The following SNTG1 variants were observed in gnomAD, a reference collection of about 807,000 sequenced individuals.
SNTG1 encodes the protein gamma-1-syntrophin.
In SNTG1, 39 loss-of-function variants were observed where a neutral mutation model predicts 74.7. The observed-to-expected ratio is 0.52, with a 90% CI of 0.40 to 0.68. The LOEUF is 0.68. Among genes scored for constraint, SNTG1 ranks in the 30% least tolerant of loss-of-function variants. The pLI is 0.00. For missense variants in SNTG1, 685 were observed against 609.5 expected, an observed-to-expected ratio of 1.12 and a Z score of -1.30; for synonymous variants, 254 against 217.1, an observed-to-expected ratio of 1.17 and a Z score of -1.49.
At chr8:50,171,001 TC>T (rs1345195580) in intron 1 of SNTG1, among the ~76,000 whole-genome samples, 1 of 152,074 alleles carries the variant, frequency 6.6e-6, no homozygotes, top group African/African-American at 2.4e-5. Flanking sequence ...CCAGTTAATC[TC>T]CTTCAAACTG....
rs186122954 is a variant in SNTG1, at chr8:50,508,158, A to G, written c.466+5278A>G. Among the ~76,000 whole-genome samples, 232 of 152,246 alleles carry G rather than the reference A, an allele frequency of 1.5e-3. 2 individuals are homozygous for G. Among genetic ancestry groups the G allele is most frequent in the Middle Eastern group, 0.01 (3 of 294 alleles). On this transcript the variant is annotated intron_variant, in intron 9 of 18. Coordinates refer to ENST00000642720, the MANE Select transcript of SNTG1 (RefSeq NM_018967.5). ...TGTTCAGTTCCTACCTATGAGTGAG[A>G]ACAAGCAGTGTTTGGTTTTTTGTCC...
At chr8:50,219,741 T>C (rs975138896) in intron 2 of SNTG1, among the ~76,000 whole-genome samples, 2 of 152,156 alleles carry the variant, frequency 1.3e-5, no homozygotes, top group Admixed American at 1.3e-4. Context: ...CCACCACTCA[T>C]CCTCCAACAT....
intron 12 of SNTG1, among the ~76,000 whole-genome samples, chr8:50,584,544 G>C (rs567299212): frequency 1.6e-5 from 2 of 125,472 alleles, no homozygotes; most frequent in African/African-American, 6.1e-5. Flanking sequence ...ACGGTGTTTC[G>C]CACTGTCTCC....
chr8:49,986,414 A>T (rs1159885776), intron 1 of SNTG1, among the ~76,000 whole-genome samples: 1 of 152,184 alleles, frequency 6.6e-6, no homozygotes, highest in Non-Finnish European at 1.5e-5. Context: ...AATTGTGGTT[A>T]AGCTGGAGGT....
At chr8:50,044,718 T>C (rs1818933761) in intron 1 of SNTG1, among the ~76,000 whole-genome samples, 1 of 152,216 alleles carries the variant, frequency 6.6e-6, no homozygotes, top group Admixed American at 6.5e-5. Context: ...AAATAACATC[T>C]ATAAACTGCT....
intron 2 of SNTG1, among the ~76,000 whole-genome samples, chr8:50,327,331 A>G (rs1221681365): frequency 6.6e-6 from 1 of 152,128 alleles, no homozygotes; most frequent in Non-Finnish European, 1.5e-5. Flanking sequence ...TGCCTTACAT[A>G]TTTTGATACT....
chr8:50,431,315 A>G (rs2093233061), intron 4 of SNTG1, among the ~76,000 whole-genome samples: 1 of 152,138 alleles, frequency 6.6e-6, no homozygotes, highest in Non-Finnish European at 1.5e-5. Context: ...CTCTGATAGG[A>G]GATATTGATA....
intron 2 of SNTG1, among the ~76,000 whole-genome samples, chr8:50,192,517 G>A (rs371215559): frequency 7.2e-5 from 11 of 152,066 alleles, no homozygotes; most frequent in African/African-American, 2.7e-4. Context: ...TTGTTTTACT[G>A]ATTTGTTTGA....
intron 1 of SNTG1, among the ~76,000 whole-genome samples, chr8:50,071,766 C>T (rs549595295): frequency 6.6e-6 from 1 of 151,376 alleles, no homozygotes; most frequent in East Asian, 1.9e-4. Flanking sequence ...GCATGAGCCA[C>T]CACTCCCAGC....
At chr8:50,474,914 C>T (rs577852685) in intron 8 of SNTG1, among the ~76,000 whole-genome samples, 2 of 151,938 alleles carry the variant, frequency 1.3e-5, no homozygotes, top group Non-Finnish European at 2.9e-5. Context: ...ATGATGAGTC[C>T]ATGTCCTTTG....
At chr8:50,684,460 C>A (rs1183615615) in intron 15 of SNTG1, among the ~76,000 whole-genome samples, 1 of 151,952 alleles carries the variant, frequency 6.6e-6, no homozygotes, top group African/African-American at 2.4e-5. Context: ...TCTAGGAATG[C>A]TAATTTATGG....
chr8:50,569,476 C>A (rs1265809001), intron 12 of SNTG1, among the ~76,000 whole-genome samples: 2 of 149,980 alleles, frequency 1.3e-5, no homozygotes, highest in Admixed American at 6.6e-5. Context: ...GTTAAAAAAT[C>A]ATTTTTTTTC....
intron 17 of SNTG1, among the ~76,000 whole-genome samples, chr8:50,738,746 A>T (rs1396821641): frequency 6.6e-6 from 1 of 151,968 alleles, no homozygotes; most frequent in African/African-American, 2.4e-5. Context: ...GGCCTCAGAA[A>T]TAACACCACA....
chr8:50,313,459 A>T (rs1457799019), intron 2 of SNTG1, among the ~76,000 whole-genome samples: 1 of 149,784 alleles, frequency 6.7e-6, no homozygotes, highest in Non-Finnish European at 1.5e-5. Context: ...ATTCAACTCC[A>T]TAGCAGGAAA....
At chr8:50,396,989 G>A (rs901832905) in intron 3 of SNTG1, among the ~76,000 whole-genome samples, 1 of 152,152 alleles carries the variant, frequency 6.6e-6, no homozygotes, top group Non-Finnish European at 1.5e-5. Flanking sequence ...ATTTAAATAT[G>A]TTGCCTTTTA....
intron 13 of SNTG1, among the ~76,000 whole-genome samples, chr8:50,650,235 C>T (rs1056047677): frequency 2.0e-5 from 3 of 151,702 alleles, no homozygotes; most frequent in African/African-American, 4.8e-5. Context: ...ATTTTTTCTT[C>T]GTTTTTTGAG....
rs752367805 is a variant in SNTG1, at chr8:50,553,072, G to T, written c.703G>T (p.Ala235Ser). ...CAGGCAGAATGCCTTTCAAGTCATT[G>T]CTGTGGATGGGGTCTGCACTGGGAT... ...LSRQNAFQVI[A>S]VDGVCTGIIQ... is the part of the protein sequence containing the mutation. The change falls in exon 12 of 19, where the codon GCT becomes TCT. Residue 235 changes from alanine to serine, a missense_variant. Physicochemically the swap from Ala to Ser is moderately conservative, Grantham distance 99 (BLOSUM62 1). Coordinates refer to ENST00000642720, the MANE Select transcript of SNTG1 (RefSeq NM_018967.5). 10 of 1,613,778 alleles carry T rather than the reference G, an allele frequency of 6.2e-6. No individual in the cohort carries two copies. The highest frequency in any genetic ancestry group is 8.5e-6 in the Non-Finnish European group (10 of 1,179,848).
chr8:50,003,656 A>T (rs912934780), intron 1 of SNTG1, among the ~76,000 whole-genome samples: 3 of 152,168 alleles, frequency 2.0e-5, no homozygotes, highest in Non-Finnish European at 4.4e-5. Flanking sequence ...TATTTAGAAG[A>T]TAGACATTTT....
intron 1 of SNTG1, among the ~76,000 whole-genome samples, chr8:50,092,782 A>G (rs371009221): frequency 2.0e-5 from 3 of 152,192 alleles, no homozygotes; most frequent in Non-Finnish European, 4.4e-5. Flanking sequence ...TACACTGACA[A>G]ACAGTTTTAA....
Sources: gnomAD v4.1 joint callset for allele counts (sites outside exome capture counted in the v4.1 genomes callset) on GRCh38, gnomAD v4.1.1 for gene constraint, MANE v1.5 for transcripts, NCBI Gene and HGNC (gene_info 2026-07-23, HGNC 2026-07-21) for gene names.